PCBP3: variants seen among roughly 807,000 people sequenced by gnomAD.
PCBP3 encodes the protein poly(rC)-binding protein 3.
A neutral mutation model predicts 52.7 loss-of-function variants in PCBP3; 25 were observed. That is an observed-to-expected ratio of 0.47 (90% CI 0.35 to 0.66). The LOEUF is 0.66. Ranked by LOEUF, PCBP3 falls within the 30% of genes least tolerant of loss-of-function variation. The pLI, the probability that PCBP3 is intolerant of heterozygous loss-of-function variation, is 0.01. For missense variants in PCBP3, 391 were observed against 490.3 expected (o/e 0.80, Z 1.91); for synonymous variants, 162 against 183.0 (o/e 0.89, Z 0.93).
chr21:45,770,547 C>G (rs1437460754), intron 4 of PCBP3, among the ~76,000 whole-genome samples: 23 of 152,144 alleles, frequency 1.5e-4, no homozygotes, highest in Admixed American at 1.5e-3. Context: ...TTTCTGTTTG[C>G]TGCTCCCTGA....
intron 4 of PCBP3, among the ~76,000 whole-genome samples, chr21:45,819,838 C>T (rs1027848301): frequency 1.3e-5 from 2 of 152,226 alleles, no homozygotes; most frequent in African/African-American, 2.4e-5. Flanking sequence ...CAGATGGACT[C>T]GGGCCAAGCT....
chr21:45,808,266 A>G (rs539510108), intron 4 of PCBP3, among the ~76,000 whole-genome samples: 20 of 152,340 alleles, frequency 1.3e-4, no homozygotes, highest in Non-Finnish European at 2.4e-4. Context: ...CAGCCTACAT[A>G]ATGGGAGAAA....
At chr21:45,687,866 G>A (rs2147713516) in intron 2 of PCBP3, among the ~76,000 whole-genome samples, 1 of 152,094 alleles carries the variant, frequency 6.6e-6, no homozygotes, top group South Asian at 2.1e-4. Context: ...GAGTAGCTGG[G>A]ACTACAGGCA....
intron 5 of PCBP3, among the ~76,000 whole-genome samples, chr21:45,891,897 A>G (rs140238555): frequency 3.3e-5 from 5 of 152,282 alleles, no homozygotes; most frequent in South Asian, 2.1e-4. Flanking sequence ...GGCTGTCTCA[A>G]TTGCCCTGTG....
chr21:45,893,236 G>A (rs1035651970), intron 5 of PCBP3, among the ~76,000 whole-genome samples: 18 of 152,024 alleles, frequency 1.2e-4, no homozygotes, highest in Admixed American at 2.0e-4. Context: ...GGAGTGGGGA[G>A]GAGGGAGGGG....
intron 2 of PCBP3, among the ~76,000 whole-genome samples, chr21:45,691,402 CATATATATATTAT>C (rs1569121250): frequency 7.1e-6 from 1 of 140,346 alleles, no homozygotes; most frequent in East Asian, 2.0e-4. Flanking sequence ...ATATATATCT[CATATATATATTAT>C]ATATATATAA....
chr21:45,868,059 G>A (rs530836307), intron 5 of PCBP3, among the ~76,000 whole-genome samples: 12 of 152,416 alleles, frequency 7.9e-5, no homozygotes, highest in Non-Finnish European at 1.8e-4. Flanking sequence ...CAGTGGGCCC[G>A]TCCGGAATTA....
chr21:45,849,932 T>G, intron 4 of PCBP3, 29 bp from the exon 5 acceptor site: 1 of 714,470 alleles, frequency 1.4e-6, no homozygotes, highest in Non-Finnish European at 2.5e-6. Context: ...ACTGGTGCGC[T>G]CACACAGCCC....
intron 4 of PCBP3, among the ~76,000 whole-genome samples, chr21:45,818,216 T>C (rs55875620): frequency 0.17 from 25,672 of 151,866 alleles, 2,300 homozygotes; most frequent in Middle Eastern, 0.31. Flanking sequence ...AGAGACGGGG[T>C]TTCACCTTGT....
intron 5 of PCBP3, among the ~76,000 whole-genome samples, chr21:45,852,783 C>T (rs966576871): frequency 1.3e-5 from 2 of 151,666 alleles, no homozygotes; most frequent in Admixed American, 6.6e-5. Context: ...CTGTAAACAC[C>T]GTGACTTGTC....
intron 5 of PCBP3, among the ~76,000 whole-genome samples, chr21:45,890,757 CTG>C: frequency 6.6e-6 from 1 of 151,234 alleles, no homozygotes; most frequent in African/African-American, 2.4e-5. Context: ...ACCTGGAACT[CTG>C]TGCATTACTG....
chr21:45,805,984 G>A lies in PCBP3; in HGVS notation c.-125-43977G>A, dbSNP rs1333375427. On this transcript the variant is annotated intron_variant, in intron 4 of 17. Transcript: ENST00000681687. This position sits in a 1 kb window ranked among gnomAD's most constrained non-coding sequence, Gnocchi z 4.6. ...CATGAGAAGATGGAGGAGCCTCCTT[G>A]TGCTGCTGTGTCTCAGCATTAGAGA... Among the ~76,000 whole-genome samples, 3 of 152,222 alleles carry A rather than the reference G, an allele frequency of 2.0e-5. No individual in the cohort carries two copies. Among genetic ancestry groups the A allele is most frequent in the Non-Finnish European group, 4.4e-5 (3 of 68,040 alleles).
intron 2 of PCBP3, among the ~76,000 whole-genome samples, chr21:45,712,412 G>T (rs1206637813): frequency 6.6e-6 from 1 of 152,176 alleles, no homozygotes; most frequent in Admixed American, 6.5e-5. Context: ...CAAACATTTA[G>T]TATTTTCAGA....
At chr21:45,845,012 A>C (rs2093778833) in intron 4 of PCBP3, among the ~76,000 whole-genome samples, 1 of 152,032 alleles carries the variant, frequency 6.6e-6, no homozygotes, top group Admixed American at 6.6e-5. Flanking sequence ...AGACTTTTTT[A>C]CTGGGTACCC....
chr21:45,828,218 C>T (rs1042081668), intron 4 of PCBP3: 1 of 152,222 alleles, frequency 6.6e-6, no homozygotes, highest in African/African-American at 2.4e-5. Context: ...AGCAGTAATT[C>T]AGTCACCATC....
rs922087908 is a variant in PCBP3 at position 45,941,789 on chromosome 21, C to T, written c.*83C>T. 13 of 1,084,126 alleles carry T rather than the reference C, an allele frequency of 1.2e-5. No individual in the cohort carries two copies. Among genetic ancestry groups the T allele is most frequent in the African/African-American group, 9.6e-5 (6 of 62,276 alleles). The allele number at this position is 1,084,126 out of a possible 1,614,324, so 67.2% of individuals were successfully genotyped here. ...TCTCGCACTCTGTACAGCCCACCTTCCCTGCCTCACAGATACCAATAGAGA... is the reference window on the plus strand; with the variant it reads ...TCTCGCACTCTGTACAGCCCACCTTTCCTGCCTCACAGATACCAATAGAGA... On this transcript the variant is annotated 3_prime_UTR_variant, in exon 18 of 18. Transcript: ENST00000681687.
intron 5 of PCBP3, among the ~76,000 whole-genome samples, chr21:45,873,768 G>T (rs1240260414): frequency 6.6e-6 from 1 of 152,162 alleles, no homozygotes; most frequent in Admixed American, 6.5e-5. Context: ...TACATGTCTG[G>T]TTTTTGTTGT....
In PCBP3 at chr21:45,784,409, G is replaced by C. The variant is rs80307864; in HGVS notation, c.-126+28957G>C. On this transcript the variant is annotated intron_variant, in intron 4 of 17. Coordinates refer to ENST00000681687, the MANE Select transcript of PCBP3 (RefSeq NM_001384156.1). ...CTCTACCTCTACCGCTACCTCTACC[G>C]CTACCGCTACCCCTACCTCCTACCT... 9.5e-5 allele frequency among the ~76,000 whole-genome samples: 8 copies of C among 84,260 alleles called. No homozygotes were observed. The East Asian group carries it at 1.5e-3, about 16-fold the overall frequency. The allele number at this position is 84,260 out of a possible 152,430, so 55.3% of individuals were successfully genotyped here.
chr21:45,696,493 T>A (rs1209898780), intron 2 of PCBP3, among the ~76,000 whole-genome samples: 1 of 152,066 alleles, frequency 6.6e-6, no homozygotes, highest in Admixed American at 6.6e-5. Context: ...GTTAATTTTT[T>A]AAAAAAGGCA....
Sources: allele counts gnomAD v4.1 joint callset (sites outside exome capture counted in the v4.1 genomes callset), GRCh38; gene constraint gnomAD v4.1.1; non-coding constraint Gnocchi (gnomAD v3.1); transcripts MANE v1.5; gene names NCBI Gene and HGNC (gene_info 2026-07-23, HGNC 2026-07-21).